UGCG: variants seen among roughly 807,000 people sequenced by gnomAD.
UGCG encodes the protein ceramide glucosyltransferase.
A neutral mutation model predicts 49.5 loss-of-function variants in UGCG; 10 were observed. The observed-to-expected ratio is 0.20, with a 90% CI of 0.12 to 0.34. UGCG has a LOEUF of 0.34. UGCG is among the 10% of genes least tolerant of loss of function. The probability of loss-of-function intolerance (pLI) is 1.00; values close to 1 mark genes in which losing one functional copy is unlikely to be tolerated. For synonymous variants in UGCG, 182 were observed against 158.2 expected (o/e 1.15, Z -1.13); for missense variants, 312 against 483.7 (o/e 0.65, Z 3.33).
At chr9:111,923,976 G>A (rs1838274446) in intron 3 of UGCG, among the ~76,000 whole-genome samples, 1 of 151,970 alleles carries the variant, frequency 6.6e-6, no homozygotes, top group South Asian at 2.1e-4. Context: ...ATTTTTAATA[G>A]AGATGGGGTT....
At chr9:111,912,318 C>T (rs1838025552) in intron 1 of UGCG, among the ~76,000 whole-genome samples, 2 of 151,936 alleles carry the variant, frequency 1.3e-5, no homozygotes, top group Non-Finnish European at 2.9e-5. Flanking sequence ...TGGTTCACAC[C>T]TGTAATCCCA....
At chr9:111,915,695 G>C (rs756117481) in intron 2 of UGCG, 7 of 756,756 alleles carry the variant, frequency 9.3e-6, no homozygotes, top group Non-Finnish European at 1.1e-5. Flanking sequence ...TCAGAAGGAA[G>C]ATGATATGCG....
At chr9:111,926,826 G>T (rs1413077503) in intron 5 of UGCG, among the ~76,000 whole-genome samples, 1 of 142,334 alleles carries the variant, frequency 7.0e-6, no homozygotes, top group East Asian at 2.1e-4. Context: ...TCAAACATTC[G>T]ATCTGAAAAG....
intron 2 of UGCG, among the ~76,000 whole-genome samples, chr9:111,919,876 T>C (rs544533937): frequency 8.5e-5 from 13 of 152,168 alleles, no homozygotes; most frequent in African/African-American, 2.4e-4. Flanking sequence ...AGCAGCCTCC[T>C]ATAGTAGGAA....
chr9:111,912,198 C>T lies in UGCG; in HGVS notation c.99-2407C>T, dbSNP rs74910210. Reference sequence around the variant, plus strand: ...TTTTGTGGTTATATGCGTTTTAGATCGTGGTTTTACCTGTCTGGTCCTCCA... The same window carrying T: ...TTTTGTGGTTATATGCGTTTTAGATTGTGGTTTTACCTGTCTGGTCCTCCA... On this transcript the variant is annotated intron_variant, in intron 1 of 8. Transcript: ENST00000374279. 5.9e-3 allele frequency among the ~76,000 whole-genome samples: 897 copies of T among 151,738 alleles called. 11 individuals carry two copies. In the East Asian group the frequency reaches 0.064, roughly 11 times the overall value.
chr9:111,905,260 T>C (rs1433431682), intron 1 of UGCG, among the ~76,000 whole-genome samples: 2 of 152,186 alleles, frequency 1.3e-5, no homozygotes, highest in South Asian at 2.1e-4. Context: ...TGCTCAGAGA[T>C]AGCAGCAAGT....
At chr9:111,913,745 A>T (rs1477382103) in intron 1 of UGCG, among the ~76,000 whole-genome samples, 52 of 151,960 alleles carry the variant, frequency 3.4e-4, no homozygotes. Flanking sequence ...CCTGTGTGGC[A>T]TTGCTTCTTT....
At chr9:111,928,921 C>T (rs1007945221) in intron 5 of UGCG, among the ~76,000 whole-genome samples, 4 of 151,856 alleles carry the variant, frequency 2.6e-5, no homozygotes, top group East Asian at 1.9e-4. Context: ...TTAGTATCCC[C>T]GTTATGAAAA....
At chr9:111,916,655 A>G (rs1838116604) in intron 2 of UGCG, among the ~76,000 whole-genome samples, 1 of 151,632 alleles carries the variant, frequency 6.6e-6, no homozygotes, top group South Asian at 2.1e-4. Flanking sequence ...TTTTTTGTAG[A>G]GGGTGTTGCC....
intron 3 of UGCG, among the ~76,000 whole-genome samples, chr9:111,923,624 G>A (rs746839218): frequency 2.0e-5 from 3 of 151,614 alleles, no homozygotes; most frequent in Admixed American, 6.6e-5. Flanking sequence ...ATATTTATGG[G>A]GTTTTTTTGG....
chr9:111,903,049 A>G (rs888209236), intron 1 of UGCG, among the ~76,000 whole-genome samples: 18 of 149,566 alleles, frequency 1.2e-4, no homozygotes, highest in African/African-American at 4.4e-4. Flanking sequence ...AAGTGCTGGG[A>G]TTACAGGCAT....
Position 111,926,861 on chromosome 9 carries a change from C to CTTTTT in UGCG, c.558+390_558+394dup, listed in dbSNP as rs56298523. ...GAACCGCTGGCCCCCTCCCCCCAGC[C>CTTTTT]TTTTTTTTTTTTTTTTTTTTTTTTT... is the stretch of plus-strand genomic sequence containing the variant. On this transcript the variant is annotated intron_variant, in intron 5 of 8. Coordinates refer to ENST00000374279, the MANE Select transcript of UGCG (RefSeq NM_003358.3). Among the ~76,000 whole-genome samples the CTTTTT allele has an allele frequency of 2.4e-3, 134 of 56,874 alleles. 25 individuals carry two copies. The highest frequency in any genetic ancestry group is 5.8e-3 in the African/African-American group (99 of 17,082). 37.3% of individuals were successfully genotyped at this position (56,874 alleles called of 152,430 possible).
At chr9:111,912,446 G>GTGCATGCC (rs1172468213) in intron 1 of UGCG, among the ~76,000 whole-genome samples, 1 of 152,040 alleles carries the variant, frequency 6.6e-6, no homozygotes, top group Non-Finnish European at 1.5e-5. Context: ...GGGCATGGTG[G>GTGCATGCC]TGCATGCCTG....
In UGCG at chr9:111,915,439, A is replaced by G. The variant is rs1191185038; in HGVS notation, c.240+693A>G. 3.3e-5 allele frequency among the ~76,000 whole-genome samples: 5 copies of G among 152,342 alleles called. No homozygotes were observed. In the Middle Eastern group the frequency reaches 0.014, roughly 415 times the overall value. On this transcript the variant is annotated intron_variant, in intron 2 of 8. Coordinates refer to ENST00000374279, the MANE Select transcript of UGCG (RefSeq NM_003358.3). The stretch of plus-strand genomic sequence containing the variant: ...CTTTGATTTTTGTACTTAGCTTTAC[A>G]GCAGCTTTGTATTAAATTGCTTGAG...
chr9:111,926,286 T>C, intron 4 of UGCG, 98 bp from the exon 5 acceptor site: 1 of 682,326 alleles, frequency 1.5e-6, no homozygotes, highest in Non-Finnish European at 2.4e-6. Context: ...TTATTAAGAA[T>C]GTAATAACAA....
At position 111,926,392 on chromosome 9, in the gene UGCG, G is replaced by C. The variant is rs1047836527; in HGVS notation, c.454G>C (p.Asp152His). 1.2e-6 allele frequency: 2 copies of C among 1,603,426 alleles called. No individual in the cohort carries two copies. The highest frequency in any genetic ancestry group is 2.2e-5 in the South Asian group (2 of 88,948). The change falls in exon 5 of 9, where the codon GAT (aspartate) becomes CAT (histidine). Residue 152 changes from aspartate to histidine, a missense_variant. By Grantham distance (81) the Asp-to-His change is moderately conservative. Around this residue, in one of 4 missense-constraint regions of UGCG, gnomAD observed 180 missense variants for 320.4 expected, o/e 0.56. Transcript: ENST00000374279. Reference protein sequence around the residue: ...ICDSGIRVIPDTLTDMVNQMT... With the variant: ...ICDSGIRVIPHTLTDMVNQMT... ...TTTTTTTTAAATTGTAGTAATTCCA[G>C]ATACGCTTACTGACATGGTGAATCA...
rs1838103934 is a variant in UGCG at position 111,916,019 on chromosome 9, T to C, written c.240+1273T>C. On this transcript the variant is annotated intron_variant, in intron 2 of 8. Transcript: ENST00000374279. Reference sequence around the variant, plus strand: ...TTTAGATATTTGAATTAAATACATGTGTTAACTTCAATCAAATATATAATT... The same window carrying C: ...TTTAGATATTTGAATTAAATACATGCGTTAACTTCAATCAAATATATAATT... Among the ~76,000 whole-genome samples, 3 of 152,154 alleles carry C rather than the reference T, an allele frequency of 2.0e-5. No individual in the cohort carries two copies. In the South Asian group the frequency reaches 6.2e-4, roughly 32 times the overall value.
intron 1 of UGCG, among the ~76,000 whole-genome samples, chr9:111,908,567 T>C (rs1161621647): frequency 1.3e-5 from 2 of 152,196 alleles, no homozygotes; most frequent in African/African-American, 2.4e-5. Context: ...ATGTACATTA[T>C]GTATCAATAA....
chr9:111,914,663 G>GTC lies in UGCG; in HGVS notation c.163_164dup (p.Leu56PhefsTer2). On this transcript the variant is annotated frameshift_variant, in exon 2 of 9. Coordinates refer to ENST00000374279, the MANE Select transcript of UGCG (RefSeq NM_003358.3). LOFTEE classifies it high-confidence loss of function. ...ACAGCCTTATAGCAAGCTCCCAGGTGTCTCTCTTCTGAAACCACTGAAAGG... is the reference window on the plus strand; with the variant it reads ...ACAGCCTTATAGCAAGCTCCCAGGTGTCTCTCTCTTCTGAAACCACTGAAAGG... The GTC allele has an allele frequency of 6.2e-7, 1 of 1,614,124 alleles. No homozygotes were observed. The highest frequency in any genetic ancestry group is 8.5e-7 in the Non-Finnish European group (1 of 1,180,008).
Sources: gnomAD v4.1 joint callset for allele counts (sites outside exome capture counted in the v4.1 genomes callset) on GRCh38, gnomAD v4.1.1 for gene constraint, gnomAD v4.1.1 regional missense constraint, MANE v1.5 for transcripts, NCBI Gene and HGNC (gene_info 2026-07-23, HGNC 2026-07-21) for gene names.